Variants in GNPTAB observed in about 807,000 individuals in gnomAD.
GNPTAB encodes the protein N-acetylglucosamine-1-phosphotransferase subunits alpha/beta.
Under a neutral mutation model 136.6 loss-of-function variants are expected in GNPTAB, and 92 were observed. That is an observed-to-expected ratio of 0.67 (90% CI 0.57 to 0.80). The LOEUF is 0.80. Ranked by LOEUF, GNPTAB falls within the 30% of genes least tolerant of loss-of-function variation. GNPTAB has a pLI of 0.00. For synonymous variants in GNPTAB, 512 were observed against 535.1 expected (o/e 0.96, Z 0.60); for missense variants, 1,343 against 1,501.8 (o/e 0.89, Z 1.75).
At chr12:101,773,399 T>TC (rs1385830703) in intron 7 of GNPTAB, 10 of 280,958 alleles carry the variant, frequency 3.6e-5, no homozygotes, top group Non-Finnish European at 6.3e-5. Flanking sequence ...GTCCCGAAGC[T>TC]CGTTCACTTT....
chr12:101,772,607 A>T (rs1953193949), intron 7 of GNPTAB, among the ~76,000 whole-genome samples: 1 of 152,108 alleles, frequency 6.6e-6, no homozygotes, highest in African/African-American at 2.4e-5. Context: ...AGTACTCACT[A>T]AGTTGGTTCT....
At chr12:101,821,102 C>A (rs1381129064) in intron 1 of GNPTAB, among the ~76,000 whole-genome samples, 1 of 151,684 alleles carries the variant, frequency 6.6e-6, no homozygotes. Context: ...TGATCCCCTG[C>A]CACCAGACCA....
At chr12:101,788,334 G>A (rs1036263812) in intron 4 of GNPTAB, among the ~76,000 whole-genome samples, 2 of 152,232 alleles carry the variant, frequency 1.3e-5, no homozygotes, top group African/African-American at 4.8e-5. Flanking sequence ...CCCCAGTGCA[G>A]TGAAGCTTTG....
intron 1 of GNPTAB, among the ~76,000 whole-genome samples, chr12:101,815,657 G>T (rs1254800009): frequency 2.0e-5 from 3 of 146,384 alleles, no homozygotes; most frequent in African/African-American, 7.5e-5. Flanking sequence ...TAAAAACAAA[G>T]ACACTTTACT....
At chr12:101,765,782 AT>A in intron 12 of GNPTAB, 1 of 385,734 alleles carries the variant, frequency 2.6e-6, no homozygotes, top group Non-Finnish European at 4.9e-6. Flanking sequence ...AACCATCTTT[AT>A]TTAATGAATT....
chr12:101,815,868 G>C (rs1870491687), intron 1 of GNPTAB, among the ~76,000 whole-genome samples: 1 of 152,180 alleles, frequency 6.6e-6, no homozygotes, highest in Non-Finnish European at 1.5e-5. Flanking sequence ...CAATGGAAGA[G>C]AATAGAGAAT....
chr12:101,787,008 G>A (rs1868686403), intron 4 of GNPTAB, among the ~76,000 whole-genome samples: 1 of 152,202 alleles, frequency 6.6e-6, no homozygotes, highest in Non-Finnish European at 1.5e-5. Context: ...TTTTGGGAAA[G>A]CAAGTTGGTA....
intron 1 of GNPTAB, among the ~76,000 whole-genome samples, chr12:101,809,371 T>C (rs1870103769): frequency 6.6e-6 from 1 of 152,234 alleles, no homozygotes; most frequent in Non-Finnish European, 1.5e-5. Flanking sequence ...GGAAGACAGT[T>C]TGTCAGTGTC....
intron 15 of GNPTAB, among the ~76,000 whole-genome samples, chr12:101,760,781 CTTT>C (rs879535763): frequency 4.4e-5 from 6 of 137,188 alleles, no homozygotes; most frequent in Non-Finnish European, 4.8e-5. Context: ...ATTTTCTTTT[CTTT>C]TTTTTTTTTT....
Position 101,757,237 on chromosome 12 carries a change from A to C in GNPTAB, c.3409T>G (p.Leu1137Val). Residue 1137 changes from leucine to valine, a missense_variant, in exon 18 of 21, where the codon TTG becomes GTG. Coordinates refer to ENST00000299314, the MANE Select transcript of GNPTAB (RefSeq NM_024312.5). ...CTAGGGTTTTTTCTTATGTCATCCA[A>C]CTGGCCAACCACATGAGAAACGTTG... Reference protein sequence around the residue: ...RTNVSHVVGQLDDIRKNPRKF... With the variant: ...RTNVSHVVGQVDDIRKNPRKF... The C allele has an allele frequency of 6.2e-7, 1 of 1,604,024 alleles. No homozygotes were observed. Among genetic ancestry groups the C allele is most frequent in the Non-Finnish European group, 8.5e-7 (1 of 1,171,542 alleles).
chr12:101,788,484 G>T, intron 4 of GNPTAB, 64 bp downstream of exon 4: 1 of 966,210 alleles, frequency 1.0e-6, no homozygotes, highest in Non-Finnish European at 1.7e-6. Flanking sequence ...AAAAACAAAT[G>T]ATAATCTGAA....
At chr12:101,789,790 G>T (rs1868873945) in intron 3 of GNPTAB, 148 bp downstream of exon 3, 7 of 871,606 alleles carry the variant, frequency 8.0e-6, no homozygotes, top group Non-Finnish European at 1.3e-5. Flanking sequence ...GGCCTGTTTT[G>T]TTTTTTAAAA....
At chr12:101,819,741 T>A (rs916305959) in intron 1 of GNPTAB, among the ~76,000 whole-genome samples, 1 of 152,210 alleles carries the variant, frequency 6.6e-6, no homozygotes. Context: ...AGATTCTGCA[T>A]CTGTATCGCA....
chr12:101,772,058 GGCAA>G (rs1176565867), intron 7 of GNPTAB, among the ~76,000 whole-genome samples: 11 of 152,222 alleles, frequency 7.2e-5, no homozygotes, highest in Non-Finnish European at 1.6e-4. Flanking sequence ...AAGCTTTTGG[GGCAA>G]TCATAAATCT....
intron 5 of GNPTAB, among the ~76,000 whole-genome samples, chr12:101,781,492 C>A (rs981100760): frequency 1.3e-5 from 2 of 152,002 alleles, no homozygotes; most frequent in Admixed American, 6.6e-5. Context: ...ATGGCAAAAC[C>A]CTGTCTCTAC....
In GNPTAB at chr12:101,815,224, T is replaced by C. The variant is rs913310112; in HGVS notation, c.117+15335A>G. ...TTGTGACTACAGGGGCATGCCACTA[T>C]GCTGGCTAATTTTGGATTTTGTAGA... is the stretch of plus-strand genomic sequence containing the variant. On this transcript the variant is annotated intron_variant, in intron 1 of 20. Transcript: ENST00000299314. 2.0e-5 allele frequency among the ~76,000 whole-genome samples: 3 copies of C among 152,162 alleles called. No homozygotes were observed. In the East Asian group the frequency reaches 5.8e-4, roughly 29 times the overall value.
At chr12:101,779,403 C>A (rs1953306459) in intron 7 of GNPTAB, 1 of 152,292 alleles carries the variant, frequency 6.6e-6, no homozygotes, top group African/African-American at 2.4e-5. Flanking sequence ...AGAGAGAACA[C>A]CCACATGGAC....
chr12:101,771,234 C>A, intron 7 of GNPTAB, 77 bp from the exon 8 acceptor site: 229 of 1,066,254 alleles, frequency 2.1e-4, no homozygotes, highest in Non-Finnish European at 2.9e-4. Context: ...CCACTCTGCT[C>A]TTTAATCTTT....
intron 1 of GNPTAB, among the ~76,000 whole-genome samples, chr12:101,824,420 ATATATATATATATT>A (rs1870971295): frequency 1.9e-5 from 2 of 107,592 alleles, no homozygotes; most frequent in African/African-American, 7.1e-5. Flanking sequence ...ATATATATAT[ATATATATATATATT>A]TTCTTTTTTT....
Sources: gnomAD v4.1 joint callset for allele counts (sites outside exome capture counted in the v4.1 genomes callset) on GRCh38, gnomAD v4.1.1 for gene constraint, MANE v1.5 for transcripts, NCBI Gene and HGNC (gene_info 2026-07-23, HGNC 2026-07-21) for gene names.